The following IQSEC2 variants were observed in gnomAD, a reference collection of about 807,000 sequenced individuals.
IQSEC2 encodes IQ motif and Sec7 domain ArfGEF 2.
IQSEC2 carries 6 observed loss-of-function variants against 74.6 expected under a neutral mutation model. The observed-to-expected ratio is 0.08, with a 90% CI of 0.04 to 0.16. The LOEUF (loss-of-function observed/expected upper bound fraction) is 0.16. IQSEC2 is among the 10% of genes least tolerant of loss of function. The pLI is 1.00. For synonymous variants in IQSEC2, 494 were observed against 544.5 expected (o/e 0.91, Z 1.29); for missense variants, 734 against 1,306.2 (o/e 0.56, Z 6.75).
chrX:53,246,929 T>C (rs1556862157), intron 8 of IQSEC2, 40 bp downstream of exon 8: 3 of 1,174,255 alleles, frequency 2.6e-6, no homozygotes, highest in South Asian at 1.8e-5. Context: ...CCACTTTCCC[T>C]TTCCAGGTGA....
chrX:53,260,269 G>T (rs1556866222), intron 2 of IQSEC2, among the ~76,000 whole-genome samples: 1 of 111,539 alleles, frequency 9.0e-6, no homozygotes, highest in African/African-American at 3.3e-5. Context: ...CCAGAGAGAG[G>T]GTACAGCCAG....
chrX:53,307,211 T>G (rs1483667445), intron 1 of IQSEC2, among the ~76,000 whole-genome samples: 1 of 108,715 alleles, frequency 9.2e-6, no homozygotes, highest in African/African-American at 3.4e-5. Context: ...AGCCAGTGAG[T>G]GGACAAGCAA....
chrX:53,279,626 G>A, intron 2 of IQSEC2: 1 of 1,196,225 alleles, frequency 8.4e-7, no homozygotes, highest in Non-Finnish European at 1.1e-6. Flanking sequence ...GAGTAGGACA[G>A]CAATACTGGT....
At chrX:53,257,940 G>T (rs782255629) in intron 2 of IQSEC2, among the ~76,000 whole-genome samples, 8 of 111,721 alleles carry the variant, frequency 7.2e-5, no homozygotes, top group African/African-American at 3.3e-5. Context: ...AATCCAGGCA[G>T]TCTGACTCCA....
chrX:53,317,566 T>C lies in IQSEC2; in HGVS notation c.707+2851A>G, dbSNP rs782544920. On this transcript the variant is annotated intron_variant, in intron 1 of 14. Transcript: ENST00000642864. ...GGATCGTGGTGACAGAAGCACGGGA[T>C]CATTGGGAGGACTAAAGAAAGTCCC... Among the ~76,000 whole-genome samples, 377 of 111,987 alleles carry C rather than the reference T, an allele frequency of 3.4e-3. 2 individuals carry two copies. The highest frequency in any genetic ancestry group is 0.012 in the African/African-American group (366 of 30,784).
chrX:53,317,561 C>T (rs913484022), intron 1 of IQSEC2, among the ~76,000 whole-genome samples: 1 of 112,130 alleles, frequency 8.9e-6, no homozygotes, highest in Non-Finnish European at 1.9e-5. Flanking sequence ...GACAGAAGCA[C>T]GGGATCATTG....
rs367904340 is a variant in IQSEC2, at chrX:53,248,095, G to A, written c.2582+19C>T. 8.3e-6 allele frequency: 10 copies of A among 1,208,983 alleles called. No individual in the cohort carries two copies. The highest frequency in any genetic ancestry group is 3.5e-5 in the South Asian group (2 of 56,614). ...CCACAGGAGGGAGGGGCAGCTTCGC[G>A]AGTGGGAGGTAGGCACACCTGAAGG... On this transcript the variant is annotated intron_variant, in intron 7 of 14. Coordinates refer to ENST00000642864, the MANE Select transcript of IQSEC2 (RefSeq NM_001111125.3).
At chrX:53,257,516 C>T (rs1359736872) in intron 2 of IQSEC2, among the ~76,000 whole-genome samples, 4 of 111,400 alleles carry the variant, frequency 3.6e-5, no homozygotes, top group African/African-American at 1.3e-4. Context: ...CAGCTCAGCC[C>T]ACCCCCGGCA....
At chrX:53,317,365 C>T (rs781832765) in intron 1 of IQSEC2, among the ~76,000 whole-genome samples, 3 of 111,644 alleles carry the variant, frequency 2.7e-5, no homozygotes, top group South Asian at 7.5e-4. Flanking sequence ...CCAGAGGGGA[C>T]GGTGCAGGAG....
chrX:53,278,513 AT>A (rs2074881896), intron 2 of IQSEC2, among the ~76,000 whole-genome samples: 1 of 110,980 alleles, frequency 9.0e-6, no homozygotes. Flanking sequence ...TTTGTTTTCC[AT>A]TTCATTAATT....
chrX:53,297,862 G>C lies in IQSEC2; in HGVS notation c.708-5938C>G, dbSNP rs372282769. On this transcript the variant is annotated intron_variant, in intron 1 of 14. Transcript: ENST00000642864. ...CCTCTCTCTCAGGCCAGGCGTGGTG[G>C]CTCATGCCTGTAATCCCAACATTTT... Among the ~76,000 whole-genome samples, 374 of 111,376 alleles carry C rather than the reference G, an allele frequency of 3.4e-3. 5 individuals carry two copies. The highest frequency in any genetic ancestry group is 0.012 in the African/African-American group (364 of 30,669).
chrX:53,226,644 C>G (rs2074040238), downstream of IQSEC2: 1 of 112,202 alleles, frequency 8.9e-6, no homozygotes, highest in South Asian at 3.6e-4. Flanking sequence ...TGTTCCTAAT[C>G]AGATACTGTG....
downstream of IQSEC2, chrX:53,231,529 C>T (rs1256272562): frequency 1.8e-5 from 2 of 111,488 alleles, no homozygotes; most frequent in Non-Finnish European, 3.8e-5. Flanking sequence ...TCACATGCAT[C>T]TGTTAACTGT....
chrX:53,238,903 C>T (rs140640702), intron 11 of IQSEC2, among the ~76,000 whole-genome samples: 5 of 110,742 alleles, frequency 4.5e-5, no homozygotes, highest in African/African-American at 6.6e-5. Context: ...AGGAATACCA[C>T]GCAACAAAGC....
At chrX:53,264,404 G>A (rs2074620844) in intron 2 of IQSEC2, among the ~76,000 whole-genome samples, 1 of 105,568 alleles carries the variant, frequency 9.5e-6, no homozygotes, top group Non-Finnish European at 2.0e-5. Context: ...GGTCGGGAGG[G>A]TCATCTGACC....
At chrX:53,281,616 G>A in intron 2 of IQSEC2, 2 of 1,016,629 alleles carry the variant, frequency 2.0e-6, no homozygotes, top group Non-Finnish European at 2.6e-6. Flanking sequence ...CTAGAAGGAG[G>A]AACCAAGAAG....
intron 2 of IQSEC2, among the ~76,000 whole-genome samples, chrX:53,257,392 C>G (rs782066032): frequency 1.8e-5 from 2 of 112,469 alleles, no homozygotes; most frequent in South Asian, 7.2e-4. Flanking sequence ...CTGTGGAGCT[C>G]GGCTCCGCCC....
chrX:53,250,171 A>G (rs1360582384), intron 5 of IQSEC2, 108 bp downstream of exon 5: 16 of 901,033 alleles, frequency 1.8e-5, no homozygotes, highest in Non-Finnish European at 2.4e-5. Context: ...ATTCCACAAA[A>G]TGAAAGGATG....
intron 10 of IQSEC2, among the ~76,000 whole-genome samples, chrX:53,240,532 G>A (rs1255796488): frequency 1.8e-5 from 2 of 112,453 alleles, no homozygotes; most frequent in Non-Finnish European, 3.8e-5. Flanking sequence ...CAAGGGTTGA[G>A]TGCAGATGGC....
Sources: gnomAD v4.1 joint callset for allele counts (sites outside exome capture counted in the v4.1 genomes callset) on GRCh38, gnomAD v4.1.1 for gene constraint, MANE v1.5 for transcripts, NCBI Gene and HGNC (gene_info 2026-07-23, HGNC 2026-07-21) for gene names.